Variants in CSMD2 observed in about 807,000 individuals in gnomAD.
CSMD2 encodes the protein CUB and sushi domain-containing protein 2.
A neutral mutation model predicts 398.5 loss-of-function variants in CSMD2; 130 were observed. The observed-to-expected ratio is 0.33, with a 90% CI of 0.28 to 0.38. The LOEUF is 0.38. Ranked by LOEUF, CSMD2 falls within the 10% of genes least tolerant of loss-of-function variation. The pLI, the probability that CSMD2 is intolerant of heterozygous loss-of-function variation, is 1.00. For synonymous variants in CSMD2, 1,828 were observed against 1,908.5 expected (o/e 0.96, Z 1.10); for missense variants, 3,829 against 4,764.9 (o/e 0.80, Z 5.78).
chr1:33,730,397 A>G (rs1467420652), intron 15 of CSMD2, among the ~76,000 whole-genome samples: 1 of 152,192 alleles, frequency 6.6e-6, no homozygotes, highest in Non-Finnish European at 1.5e-5. Flanking sequence ...TTTTTTATAT[A>G]TTTAGCTTTG....
At chr1:33,607,911 G>C (rs1640732214) in intron 41 of CSMD2, among the ~76,000 whole-genome samples, 1 of 152,218 alleles carries the variant, frequency 6.6e-6, no homozygotes, top group South Asian at 2.1e-4. Flanking sequence ...TGGAGGAGCT[G>C]GGTGTCTGAA....
chr1:33,988,165 C>G (rs1244970630), intron 3 of CSMD2, among the ~76,000 whole-genome samples: 1 of 152,236 alleles, frequency 6.6e-6, no homozygotes, highest in African/African-American at 2.4e-5. Context: ...GGGCTTAATA[C>G]ATACCTTTTA....
chr1:33,750,835 G>T (rs1197647611), intron 13 of CSMD2, among the ~76,000 whole-genome samples: 1 of 152,022 alleles, frequency 6.6e-6, no homozygotes, highest in Admixed American at 6.6e-5. Flanking sequence ...GAAAATATAA[G>T]GAATATTTGT....
At chr1:33,617,446 A>AACC in intron 38 of CSMD2, 53 bp downstream of exon 38, 1 of 1,415,030 alleles carries the variant, frequency 7.1e-7, no homozygotes, top group Non-Finnish European at 1.0e-6. Context: ...AAGGCTGGCC[A>AACC]ACCACATCTC....
Position 33,918,009 on chromosome 1 carries a change from T to G in CSMD2, c.920+85A>C, listed in dbSNP as rs1010847535. ...TGGCTAAGAGGCCTCTGGCTGCAGG[T>G]CCAGGCACTGAGGAGACTGCAAGCA... On this transcript the variant is annotated intron_variant, in intron 5 of 70. Transcript: ENST00000373381. The G allele has an allele frequency of 1.7e-5, 21 of 1,267,156 alleles. No individual in the cohort carries two copies. The African/African-American group carries it at 2.8e-4, about 17-fold the overall frequency. The allele number at this position is 1,267,156 out of a possible 1,614,324, so 78.5% of individuals were successfully genotyped here. A position where few individuals can be genotyped will look rare whatever the true frequency, so the allele number is the denominator to read the frequency against.
At chr1:33,626,993 G>C (rs1642167987) in intron 32 of CSMD2, among the ~76,000 whole-genome samples, 1 of 152,134 alleles carries the variant, frequency 6.6e-6, no homozygotes, top group Non-Finnish European at 1.5e-5. Context: ...ACATCAATCT[G>C]AGTTTTTAAA....
Position 33,726,636 on chromosome 1 carries a change from C to T in CSMD2, c.2418G>A (p.Pro806=), listed in dbSNP as rs758429605. The T allele has an allele frequency of 1.5e-5, 25 of 1,613,398 alleles. No homozygotes were observed. Among genetic ancestry groups the T allele is most frequent in the Middle Eastern group, 1.7e-4 (1 of 6,060 alleles). ...LTSPSGTILS[P]GWPGFYKDAL... is the part of the protein sequence containing the mutation. ...CATCCTTGTAGAAGCCAGGCCAGCC[C>T]GGAGAGAGGATGGTGCCGCTGGGCG... Residue 806 remains proline (P), a synonymous_variant, in exon 16 of 71, where the codon CCG becomes CCA. Coordinates refer to ENST00000373381, the MANE Select transcript of CSMD2 (RefSeq NM_001281956.2).
chr1:33,626,391 C>A, intron 33 of CSMD2, 95 bp downstream of exon 33: 1 of 819,296 alleles, frequency 1.2e-6, no homozygotes. Context: ...GAGAAAGGGA[C>A]TCAGACTAGA....
At chr1:33,810,626 G>A in intron 10 of CSMD2, 117 bp downstream of exon 10, 2 of 996,226 alleles carry the variant, frequency 2.0e-6, no homozygotes, top group Non-Finnish European at 2.9e-6. Context: ...AAAAGTAAAA[G>A]AACTGTCTGC....
intron 13 of CSMD2, among the ~76,000 whole-genome samples, chr1:33,751,701 A>G (rs1648275473): frequency 1.3e-5 from 2 of 152,154 alleles, no homozygotes; most frequent in Non-Finnish European, 2.9e-5. Context: ...GGCTCACCGT[A>G]ACCTCTGCCT....
intron 48 of CSMD2, among the ~76,000 whole-genome samples, chr1:33,580,434 G>A (rs1773031): frequency 0.036 from 5,542 of 152,274 alleles, 123 homozygotes; most frequent in African/African-American, 0.057. Flanking sequence ...AGAGATCTAT[G>A]CCTTAGGGCT....
intron 5 of CSMD2, among the ~76,000 whole-genome samples, chr1:33,871,894 T>C (rs892765952): frequency 1.3e-5 from 2 of 152,166 alleles, no homozygotes; most frequent in Non-Finnish European, 2.9e-5. Flanking sequence ...GCACGAGCCA[T>C]CATGCCTGGC....
chr1:34,010,426 T>C (rs1647211868), intron 3 of CSMD2, among the ~76,000 whole-genome samples: 1 of 152,190 alleles, frequency 6.6e-6, no homozygotes, highest in South Asian at 2.1e-4. Flanking sequence ...CATTCTCCTG[T>C]TATGTCCTTT....
intron 22 of CSMD2, among the ~76,000 whole-genome samples, chr1:33,701,712 T>G (rs1645617648): frequency 6.6e-6 from 1 of 152,240 alleles, no homozygotes; most frequent in Non-Finnish European, 1.5e-5. Flanking sequence ...CCTTGTGTAA[T>G]TGCTGTGTAT....
At chr1:34,132,790 C>A (rs1663500226) in intron 1 of CSMD2, among the ~76,000 whole-genome samples, 1 of 152,192 alleles carries the variant, frequency 6.6e-6, no homozygotes, top group Admixed American at 6.5e-5. Context: ...CCAGGGTTCA[C>A]CCCCACTATC....
chr1:33,635,811 A>T lies in CSMD2; in HGVS notation c.4970-481T>A, dbSNP rs1642763618. Reference sequence around the variant, plus strand: ...CCTTCTGTTCCTCTCCAAGGTGCCCAATTTCCACAAGGGGCGGGTCTGAGC... The same window carrying T: ...CCTTCTGTTCCTCTCCAAGGTGCCCTATTTCCACAAGGGGCGGGTCTGAGC... On this transcript the variant is annotated intron_variant, in intron 30 of 70. Transcript: ENST00000373381. This position sits in a 1 kb window ranked among gnomAD's most constrained non-coding sequence, Gnocchi z 5.0. Among the ~76,000 whole-genome samples the T allele has an allele frequency of 6.6e-6, 1 of 152,048 alleles. No homozygotes were observed.
At chr1:33,928,526 C>A (rs1391997071) in intron 4 of CSMD2, among the ~76,000 whole-genome samples, 2 of 152,160 alleles carry the variant, frequency 1.3e-5, no homozygotes, top group Non-Finnish European at 2.9e-5. Flanking sequence ...ATTATTATTC[C>A]CATTTACAAA....
At chr1:33,872,997 C>G (rs981577142) in intron 5 of CSMD2, among the ~76,000 whole-genome samples, 1 of 152,182 alleles carries the variant, frequency 6.6e-6, no homozygotes, top group Admixed American at 6.5e-5. Context: ...CTTTGAGTAG[C>G]AGTGTTTATA....
intron 65 of CSMD2, 117 bp from the exon 66 acceptor site, chr1:33,525,160 C>CCACCTTCCTCA: frequency 9.2e-7 from 1 of 1,089,184 alleles, no homozygotes; most frequent in Non-Finnish European, 1.4e-6. Flanking sequence ...CCAATGTCTA[C>CCACCTTCCTCA]CATGTGAGGA....
Sources: allele counts gnomAD v4.1 joint callset (sites outside exome capture counted in the v4.1 genomes callset), GRCh38; gene constraint gnomAD v4.1.1; non-coding constraint Gnocchi (gnomAD v3.1); transcripts MANE v1.5; gene names NCBI Gene and HGNC (gene_info 2026-07-23, HGNC 2026-07-21).